The following PKP2 variants were observed in gnomAD, a reference collection of about 807,000 sequenced individuals.
PKP2 encodes plakophilin-2.
A neutral mutation model predicts 83.4 loss-of-function variants in PKP2; 73 were observed. That is an observed-to-expected ratio of 0.88 (90% CI 0.72 to 1.06). The LOEUF is 1.06. Among genes scored for constraint, PKP2 ranks in the 50% least tolerant of loss-of-function variants. The pLI is 0.00. For missense variants in PKP2, 966 were observed against 1,065.4 expected, an observed-to-expected ratio of 0.91 and a Z score of 1.30; for synonymous variants, 409 against 430.4, an observed-to-expected ratio of 0.95 and a Z score of 0.62.
At chr12:32,856,743 A>C (rs1398459665) in intron 4 of PKP2, among the ~76,000 whole-genome samples, 1 of 152,100 alleles carries the variant, frequency 6.6e-6, no homozygotes, top group Non-Finnish European at 1.5e-5. Context: ...CCTAGAACTT[A>C]AAGTATAATT....
intron 10 of PKP2, among the ~76,000 whole-genome samples, chr12:32,796,690 C>A (rs372491815): frequency 1.3e-5 from 2 of 152,106 alleles, no homozygotes; most frequent in Non-Finnish European, 2.9e-5. Flanking sequence ...TGAGACACTG[C>A]GCCCGGCCAA....
chr12:32,796,026 C>T, intron 11 of PKP2, 83 bp downstream of exon 11: 2 of 1,184,152 alleles, frequency 1.7e-6, no homozygotes, highest in Admixed American at 1.7e-5. Context: ...ATGGTCATGA[C>T]CGCACATTCA....
intron 2 of PKP2, 147 bp from the exon 3 acceptor site, chr12:32,878,690 T>C: frequency 1.3e-6 from 1 of 746,916 alleles, no homozygotes; most frequent in Non-Finnish European, 2.2e-6. Context: ...TAAAGGCTTT[T>C]TGAAAATAAG....
intron 1 of PKP2, among the ~76,000 whole-genome samples, chr12:32,886,140 G>A (rs1022600519): frequency 1.3e-5 from 2 of 152,220 alleles, no homozygotes; most frequent in Admixed American, 1.3e-4. Flanking sequence ...ACAACCGTGA[G>A]CAGTTGTCCT....
intron 1 of PKP2, among the ~76,000 whole-genome samples, chr12:32,891,759 G>A (rs916834400): frequency 1.3e-5 from 2 of 152,068 alleles, no homozygotes; most frequent in Admixed American, 1.3e-4. Flanking sequence ...CTGCTACTCT[G>A]GGTCTACTTG....
At chr12:32,829,685 G>A (rs1956480407) in intron 6 of PKP2, among the ~76,000 whole-genome samples, 1 of 151,162 alleles carries the variant, frequency 6.6e-6, no homozygotes, top group East Asian at 1.9e-4. Flanking sequence ...TTTTGAGATG[G>A]AGTCTCACTG....
intron 6 of PKP2, among the ~76,000 whole-genome samples, chr12:32,839,135 G>C (rs1042679641): frequency 2.0e-5 from 3 of 152,124 alleles, no homozygotes; most frequent in African/African-American, 7.2e-5. Flanking sequence ...GACTGAAAAA[G>C]GCTGTGTATG....
intron 6 of PKP2, 149 bp from the exon 7 acceptor site, chr12:32,824,311 T>C (rs1181461654): frequency 7.2e-6 from 5 of 695,388 alleles, no homozygotes; most frequent in South Asian, 1.5e-5. Context: ...CAACAAATCA[T>C]TGACTGCTTA....
At chr12:32,878,861 T>C (rs1172431856) in intron 2 of PKP2, 59 bp downstream of exon 2, 11 of 937,332 alleles carry the variant, frequency 1.2e-5, no homozygotes, top group Non-Finnish European at 1.8e-5. Context: ...CTTAGGAAGT[T>C]TGAAAATATT....
intron 6 of PKP2, among the ~76,000 whole-genome samples, chr12:32,835,522 C>A: frequency 6.7e-6 from 1 of 148,942 alleles, no homozygotes; most frequent in African/African-American, 2.5e-5. Flanking sequence ...CAGCTTTTCT[C>A]CACTGAAGAA....
At chr12:32,892,230 TCTAA>T (rs1957080194) in intron 1 of PKP2, among the ~76,000 whole-genome samples, 1 of 151,994 alleles carries the variant, frequency 6.6e-6, no homozygotes, top group African/African-American at 2.4e-5. Context: ...TTGAACAATG[TCTAA>T]CTTTTTTTTA....
chr12:32,837,530 A>G (rs1404301963), intron 6 of PKP2, among the ~76,000 whole-genome samples: 1 of 152,242 alleles, frequency 6.6e-6, no homozygotes, highest in Admixed American at 6.5e-5. Flanking sequence ...CGGAATGGAC[A>G]GTTTAGTAAG....
At chr12:32,799,663 C>T (rs774378359) in intron 10 of PKP2, among the ~76,000 whole-genome samples, 9 of 152,208 alleles carry the variant, frequency 5.9e-5, no homozygotes, top group Non-Finnish European at 1.3e-4. Flanking sequence ...GACCACTATT[C>T]TAAGTGAAAT....
At chr12:32,830,054 C>T (rs1287883329) in intron 6 of PKP2, among the ~76,000 whole-genome samples, 3 of 152,200 alleles carry the variant, frequency 2.0e-5, no homozygotes, top group African/African-American at 7.2e-5. Flanking sequence ...CAAGTATAGA[C>T]TTCCTAATAC....
chr12:32,884,970 T>C (rs1355692741), intron 1 of PKP2, among the ~76,000 whole-genome samples: 1 of 152,190 alleles, frequency 6.6e-6, no homozygotes, highest in African/African-American at 2.4e-5. Context: ...AGGAAATATT[T>C]CAAATTAACA....
chr12:32,858,064 CAAA>C lies in PKP2; in HGVS notation c.1171-7094_1171-7092del, dbSNP rs777690496. Among the ~76,000 whole-genome samples, 25 of 27,388 alleles carry C rather than the reference CAAA, an allele frequency of 9.1e-4. No homozygotes were observed. The South Asian group carries it at 9.3e-3, about 10-fold the overall frequency. The allele number at this position is 27,388 out of a possible 152,430, so 18.0% of individuals were successfully genotyped here. A position where few individuals can be genotyped will look rare whatever the true frequency, so the allele number is the denominator to read the frequency against. On this transcript the variant is annotated intron_variant, in intron 4 of 12. Transcript: ENST00000340811. ...GGAACACAGGGAGACCCCATCTCTA[CAAA>C]AAAAAAAAAAAAAAAAAATATATAT...
chr12:32,827,829 C>T (rs138867595), intron 6 of PKP2, among the ~76,000 whole-genome samples: 23 of 152,262 alleles, frequency 1.5e-4, no homozygotes, highest in African/African-American at 5.1e-4. Flanking sequence ...TAGTGCCTGT[C>T]GTTTGCATTT....
At chr12:32,835,906 A>G (rs1365595909) in intron 6 of PKP2, among the ~76,000 whole-genome samples, 1 of 152,114 alleles carries the variant, frequency 6.6e-6, no homozygotes, top group Non-Finnish European at 1.5e-5. Flanking sequence ...CAGCCTCCCA[A>G]GTTGTTGAGA....
At chr12:32,829,245 T>A (rs1326113666) in intron 6 of PKP2, among the ~76,000 whole-genome samples, 1 of 150,908 alleles carries the variant, frequency 6.6e-6, no homozygotes, top group African/African-American at 2.4e-5. Flanking sequence ...CTTTATTTTT[T>A]ATTTATTTTT....
Sources: gnomAD v4.1 joint callset for allele counts (sites outside exome capture counted in the v4.1 genomes callset) on GRCh38, gnomAD v4.1.1 for gene constraint, MANE v1.5 for transcripts, NCBI Gene and HGNC (gene_info 2026-07-23, HGNC 2026-07-21) for gene names.